ZNF331: variants seen among roughly 807,000 people sequenced by gnomAD.
ZNF331 encodes the protein C2H2-like zinc finger protein rearranged in thyroid adenomas.
In ZNF331, 2 loss-of-function variants were observed where a neutral mutation model predicts 7.0. That is an observed-to-expected ratio of 0.29 (90% CI 0.12 to 0.90). The LOEUF is 0.90. Among genes scored for constraint, ZNF331 ranks in the 40% least tolerant of loss-of-function variants. The pLI is 0.58. For synonymous variants in ZNF331, 196 were observed against 205.4 expected (o/e 0.95, Z 0.39); for missense variants, 432 against 587.7 (o/e 0.74, Z 2.74).
At chr19:53,528,326 C>T (rs905378163) in intron 2 of ZNF331, among the ~76,000 whole-genome samples, 1 of 151,218 alleles carries the variant, frequency 6.6e-6, no homozygotes, top group Admixed American at 6.6e-5. Context: ...TTGAGAAGCA[C>T]ATATTTTAGC....
At chr19:53,525,525 A>G (rs951615685) in intron 2 of ZNF331, among the ~76,000 whole-genome samples, 1 of 152,098 alleles carries the variant, frequency 6.6e-6, no homozygotes, top group Non-Finnish European at 1.5e-5. Context: ...GCAATTGTGA[A>G]TGGGAGTTCA....
chr19:53,567,458 A>G (rs528112678), intron 3 of ZNF331, among the ~76,000 whole-genome samples: 2 of 152,210 alleles, frequency 1.3e-5, no homozygotes, highest in African/African-American at 2.4e-5. Context: ...TAGCTAATCT[A>G]TGAGGCTCAT....
intron 2 of ZNF331, among the ~76,000 whole-genome samples, chr19:53,544,336 G>C (rs1463646079): frequency 6.6e-6 from 1 of 151,442 alleles, no homozygotes; most frequent in Non-Finnish European, 1.5e-5. Flanking sequence ...ACGAGGTCAG[G>C]AGATGGAGAC....
At chr19:53,563,204 C>T (rs887683183) in intron 3 of ZNF331, among the ~76,000 whole-genome samples, 5 of 150,890 alleles carry the variant, frequency 3.3e-5, no homozygotes, top group African/African-American at 4.9e-5. Context: ...TCTCCTGCCT[C>T]AGCCTCCCAA....
upstream of ZNF331, among the ~76,000 whole-genome samples, chr19:53,514,953 C>A (rs2086869000): frequency 1.3e-5 from 2 of 152,112 alleles, no homozygotes; most frequent in South Asian, 2.1e-4. Context: ...CCCGCCAAAG[C>A]CTTCTCCTTG....
In ZNF331 at chr19:53,578,726, A is replaced by C. The variant is rs2090827006; in HGVS notation, c.*774A>C. 1 of 209,956 alleles carries C rather than the reference A, an allele frequency of 4.8e-6. No individual in the cohort carries two copies. Among genetic ancestry groups the C allele is most frequent in the African/African-American group, 2.3e-5 (1 of 44,016 alleles). 13.0% of individuals were successfully genotyped at this position (209,956 alleles called of 1,614,324 possible). ...GAATATAGGAAGGCCTCTAGACTAC[A>C]TCCATTCCTTCCTCAACAGGAGGAA... On this transcript the variant is annotated 3_prime_UTR_variant, in exon 6 of 6. Coordinates refer to ENST00000449416, the MANE Select transcript of ZNF331 (RefSeq NM_001079906.2).
intron 5 of ZNF331, among the ~76,000 whole-genome samples, chr19:53,574,937 C>CTTT (rs11354144): frequency 1.7e-5 from 2 of 119,518 alleles, no homozygotes; most frequent in Non-Finnish European, 3.4e-5. Flanking sequence ...TTTTTCTTTT[C>CTTT]TTTTTTTTTT....
At chr19:53,559,917 TACCC>T (rs1477996431) in intron 3 of ZNF331, among the ~76,000 whole-genome samples, 2 of 147,692 alleles carry the variant, frequency 1.4e-5, no homozygotes, top group East Asian at 4.2e-4. Flanking sequence ...TACACATACA[TACCC>T]ACACCATACA....
At chr19:53,562,496 C>G (rs920592652) in intron 3 of ZNF331, among the ~76,000 whole-genome samples, 2 of 151,796 alleles carry the variant, frequency 1.3e-5, no homozygotes, top group African/African-American at 4.8e-5. Flanking sequence ...TCGAGACCAG[C>G]CTGGCTAACA....
intron 3 of ZNF331, among the ~76,000 whole-genome samples, chr19:53,568,945 C>T (rs1474896744): frequency 2.6e-5 from 4 of 151,098 alleles, no homozygotes; most frequent in African/African-American, 7.3e-5. Context: ...CAACCTCCGC[C>T]TCCCGGGTTC....
At position 53,577,988 on chromosome 19, in the gene ZNF331, T is replaced by C. The variant is rs548851682; in HGVS notation, c.*36T>C. The C allele has an allele frequency of 1.9e-4, 298 of 1,560,106 alleles. 2 individuals carry two copies. In the South Asian group the frequency reaches 3.4e-3, roughly 18 times the overall value. ...GAACGCAGTAGCCCGCTCGTATCTA[T>C]GGTTTCGCTTTCCACAGTTTGTTAC... On this transcript the variant is annotated 3_prime_UTR_variant, in exon 6 of 6. Transcript: ENST00000449416.
At chr19:53,574,890 CTT>C (rs1244715061) in intron 5 of ZNF331, among the ~76,000 whole-genome samples, 11 of 151,326 alleles carry the variant, frequency 7.3e-5, no homozygotes, top group Non-Finnish European at 1.6e-4. Context: ...AGGATAAAAA[CTT>C]TGTTCTTTTT....
Position 53,579,244 on chromosome 19 carries a change from A to G in ZNF331, c.*1292A>G. ...TTAGTTTAATGAATACATAAAGACT[A>G]CCAGTACCATTCTGTCTTTACTCCG... On this transcript the variant is annotated 3_prime_UTR_variant, in exon 6 of 6. Coordinates refer to ENST00000449416, the MANE Select transcript of ZNF331 (RefSeq NM_001079906.2). The G allele has an allele frequency of 4.7e-6, 1 of 212,968 alleles. No individual in the cohort carries two copies. The highest frequency in any genetic ancestry group is 9.5e-6 in the Non-Finnish European group (1 of 105,076). 13.2% of individuals were successfully genotyped at this position (212,968 alleles called of 1,614,324 possible).
chr19:53,558,911 T>TAC lies in ZNF331; in HGVS notation c.-74+3005_-74+3006dup, dbSNP rs2089607370. Among the ~76,000 whole-genome samples the TAC allele has an allele frequency of 1.5e-5, 2 of 129,810 alleles. No homozygotes were observed. Among genetic ancestry groups the TAC allele is most frequent in the African/African-American group, 7.0e-5 (2 of 28,776 alleles). 85.2% of individuals were successfully genotyped at this position (129,810 alleles called of 152,430 possible). On this transcript the variant is annotated intron_variant, in intron 3 of 5. Transcript: ENST00000449416. The surrounding 1 kb of genome is among the most constrained non-coding windows in gnomAD (Gnocchi z 4.5). ...ACACATATACACACCTATACACACC[T>TAC]ACATATATACACACACATACACACC...
the ZNF331 span, among the ~76,000 whole-genome samples, chr19:53,504,841 C>T: frequency 7.2e-5 from 11 of 152,078 alleles, no homozygotes; most frequent in African/African-American, 2.7e-4. Context: ...GGTTCTTCAC[C>T]GGTGTGGTTA....
intron 2 of ZNF331, among the ~76,000 whole-genome samples, chr19:53,540,357 G>A (rs1038959314): frequency 1.3e-5 from 2 of 152,306 alleles, no homozygotes; most frequent in East Asian, 3.9e-4. Flanking sequence ...TCCTCTCACG[G>A]AGGACATGTG....
the ZNF331 span, among the ~76,000 whole-genome samples, chr19:53,505,936 A>G: frequency 6.6e-6 from 1 of 151,770 alleles, no homozygotes; most frequent in Admixed American, 6.6e-5. Context: ...ACTAGCCGAG[A>G]TCGTGCCTCT....
chr19:53,566,118 G>A (rs993845088), intron 3 of ZNF331, among the ~76,000 whole-genome samples: 3 of 152,030 alleles, frequency 2.0e-5, no homozygotes, highest in Admixed American at 6.6e-5. Flanking sequence ...AAAACCAGCT[G>A]AGGGAGAGGT....
At chr19:53,533,599 C>T (rs191920037), upstream of ZNF331, among the ~76,000 whole-genome samples, 1 of 152,230 alleles carries the variant, frequency 6.6e-6, no homozygotes, top group East Asian at 1.9e-4. Flanking sequence ...AAGTCCCCTT[C>T]AATTATTGTA....
Sources: allele counts gnomAD v4.1 joint callset (sites outside exome capture counted in the v4.1 genomes callset), GRCh38; gene constraint gnomAD v4.1.1; non-coding constraint Gnocchi (gnomAD v3.1); transcripts MANE v1.5; gene names NCBI Gene and HGNC (gene_info 2026-07-23, HGNC 2026-07-21).